SLC25A36: variants seen among roughly 807,000 people sequenced by gnomAD.
The protein encoded by SLC25A36 is solute carrier family 25 member 36.
SLC25A36 carries 24 observed loss-of-function variants against 35.3 expected under a neutral mutation model. The observed-to-expected ratio is 0.68, with a 90% CI of 0.49 to 0.96. SLC25A36 has a LOEUF of 0.96. Ranked by LOEUF, SLC25A36 falls within the 40% of genes least tolerant of loss-of-function variation. The probability of loss-of-function intolerance (pLI) is 0.00; values close to 1 mark genes in which losing one functional copy is unlikely to be tolerated. For missense variants in SLC25A36, 294 were observed against 381.1 expected, an observed-to-expected ratio of 0.77 and a Z score of 1.90; for synonymous variants, 141 against 132.2, an observed-to-expected ratio of 1.07 and a Z score of -0.46.
At chr3:140,971,958 C>T (rs1301262331) in intron 5 of SLC25A36, among the ~76,000 whole-genome samples, 2 of 152,036 alleles carry the variant, frequency 1.3e-5, no homozygotes, top group Non-Finnish European at 2.9e-5. Context: ...ATCTGTTTTC[C>T]ATCTTCTGTT....
chr3:140,973,550 A>G (rs777972976), intron 5 of SLC25A36, 166 bp from the exon 6 acceptor site: 3 of 538,004 alleles, frequency 5.6e-6, no homozygotes, highest in Non-Finnish European at 8.7e-6. Flanking sequence ...TAATATGACA[A>G]ATTTGGGACA....
rs557097452 is a variant in SLC25A36, at chr3:140,977,889, G to C, written c.*1436G>C. ...GAAAGCACTTTGTGGCCTTTTTTGG[G>C]GGGGAGGGTGAGAGAGTAGGAGAGA... is the stretch of plus-strand genomic sequence containing the variant. On this transcript the variant is annotated 3_prime_UTR_variant, in exon 7 of 7. Coordinates refer to ENST00000324194, the MANE Select transcript of SLC25A36 (RefSeq NM_001104647.3). The C allele has an allele frequency of 4.6e-5, 7 of 151,676 alleles. No individual in the cohort carries two copies. Among genetic ancestry groups the C allele is most frequent in the Non-Finnish European group, 8.8e-5 (6 of 67,882 alleles). 9.4% of individuals were successfully genotyped at this position (151,676 alleles called of 1,614,324 possible).
Position 140,970,935 on chromosome 3 carries a change from G to A in SLC25A36, c.394G>A (p.Ala132Thr), listed in dbSNP as rs1204460978. ...TAAACATGTTTGTTTAGGTTTTACTGCAATCACAGCAACCAACCCCATTTG... is the reference window on the plus strand; with the variant it reads ...TAAACATGTTTGTTTAGGTTTTACTACAATCACAGCAACCAACCCCATTTG... ...MISAAMAGFTAITATNPIWLI... is the reference protein window; with the variant it reads ...MISAAMAGFTTITATNPIWLI... Residue 132 changes from alanine (A) to threonine (T), a missense_variant, in exon 5 of 7, where the codon GCA becomes ACA. Ala to Thr is a moderately conservative substitution (Grantham distance 58, BLOSUM62 0). This residue lies in a region of SLC25A36 where 185 missense variants were observed against 201.5 expected (regional missense o/e 0.92). Transcript: ENST00000324194. 2.7e-6 allele frequency: 4 copies of A among 1,473,922 alleles called. No individual in the cohort carries two copies. Among genetic ancestry groups the A allele is most frequent in the Non-Finnish European group, 3.8e-6 (4 of 1,053,828 alleles). 91.3% of individuals were successfully genotyped at this position (1,473,922 alleles called of 1,614,324 possible).
At chr3:140,971,447 G>A (rs1395009346) in intron 5 of SLC25A36, among the ~76,000 whole-genome samples, 1 of 152,106 alleles carries the variant, frequency 6.6e-6, no homozygotes, top group Non-Finnish European at 1.5e-5. Flanking sequence ...CTCATATATC[G>A]TCTGTTACCA....
chr3:140,961,582 A>G (rs368208445), intron 3 of SLC25A36, among the ~76,000 whole-genome samples: 4 of 152,234 alleles, frequency 2.6e-5, no homozygotes, highest in African/African-American at 9.6e-5. Context: ...TTGACCGGGC[A>G]GAGTGGCTCA....
At chr3:140,969,157 C>T (rs371144127) in intron 4 of SLC25A36, among the ~76,000 whole-genome samples, 2 of 151,718 alleles carry the variant, frequency 1.3e-5, no homozygotes, top group South Asian at 2.1e-4. Flanking sequence ...CTAGCCTTTT[C>T]ATGTAGAAAA....
In SLC25A36 at chr3:140,977,633, G is replaced by A. The variant is rs3755764; in HGVS notation, c.*1180G>A. Reference sequence around the variant, plus strand: ...TTCATTTGGGTTAAATGTGCTAATAGGATGTAGCTTTTAAATTCTGCTATT... The same window carrying A: ...TTCATTTGGGTTAAATGTGCTAATAAGATGTAGCTTTTAAATTCTGCTATT... On this transcript the variant is annotated 3_prime_UTR_variant, in exon 7 of 7. Transcript: ENST00000324194. 1.3e-5 allele frequency: 2 copies of A among 152,086 alleles called. No individual in the cohort carries two copies. The highest frequency in any genetic ancestry group is 2.4e-5 in the African/African-American group (1 of 41,400). 9.4% of individuals were successfully genotyped at this position (152,086 alleles called of 1,614,324 possible).
rs1250085467 is a variant in SLC25A36, at chr3:140,941,887, G to T, written c.-168G>T. 1.6e-5 allele frequency: 8 copies of T among 512,282 alleles called. No homozygotes were observed. The highest frequency in any genetic ancestry group is 2.8e-5 in the Non-Finnish European group (8 of 286,768). 31.7% of individuals were successfully genotyped at this position (512,282 alleles called of 1,614,324 possible). On this transcript the variant is annotated 5_prime_UTR_variant, in exon 1 of 7. Transcript: ENST00000324194. ...AGGCAGGCGGTGGCGCGGCTGGAGT[G>T]CCGCGGGGAGGGCTGTGCCGGTTGC...
intron 1 of SLC25A36, among the ~76,000 whole-genome samples, chr3:140,952,611 T>A (rs1342586649): frequency 1.3e-5 from 2 of 152,240 alleles, no homozygotes; most frequent in African/African-American, 4.8e-5. Context: ...TAATATTTAT[T>A]GAGCACTTTT....
chr3:140,953,693 A>G (rs1248891811), intron 1 of SLC25A36, among the ~76,000 whole-genome samples: 1 of 152,198 alleles, frequency 6.6e-6, no homozygotes, highest in African/African-American at 2.4e-5. Flanking sequence ...CTAGTGGTTC[A>G]TGCTTATAAT....
At position 140,941,889 on chromosome 3, in the gene SLC25A36, C is replaced by G. The variant is rs1307901629; in HGVS notation, c.-166C>G. 1 of 513,718 alleles carries G rather than the reference C, an allele frequency of 1.9e-6. No homozygotes were observed. The highest frequency in any genetic ancestry group is 3.5e-6 in the Non-Finnish European group (1 of 287,870). 31.8% of individuals were successfully genotyped at this position (513,718 alleles called of 1,614,324 possible). A position where few individuals can be genotyped will look rare whatever the true frequency, so the allele number is the denominator to read the frequency against. On this transcript the variant is annotated 5_prime_UTR_variant, in exon 1 of 7. Coordinates refer to ENST00000324194, the MANE Select transcript of SLC25A36 (RefSeq NM_001104647.3). ...GCAGGCGGTGGCGCGGCTGGAGTGC[C>G]GCGGGGAGGGCTGTGCCGGTTGCTT...
intron 4 of SLC25A36, chr3:140,967,054 C>T: frequency 2.2e-6 from 1 of 456,166 alleles, no homozygotes; most frequent in South Asian, 1.5e-5. Flanking sequence ...CTGATCTGAG[C>T]ATCTCTTGCA....
Position 140,973,899 on chromosome 3 carries a change from A to C in SLC25A36, c.636A>C (p.Thr212=). Reference sequence around the variant, plus strand: ...TACTGGAATATAAGACTGCTTCTACAATGGAAAATGATGAAGAGTCTGTGA... The same window carrying C: ...TACTGGAATATAAGACTGCTTCTACCATGGAAAATGATGAAGAGTCTGTGA... The part of the protein sequence containing the change: ...QKLLEYKTAS[T]MENDEESVKE... Residue 212 remains threonine, a synonymous_variant, in exon 6 of 7, where the codon ACA becomes ACC. Coordinates refer to ENST00000324194, the MANE Select transcript of SLC25A36 (RefSeq NM_001104647.3). 6.2e-7 allele frequency: 1 copy of C among 1,613,272 alleles called. No individual in the cohort carries two copies. Among genetic ancestry groups the C allele is most frequent in the South Asian group, 1.1e-5 (1 of 91,028 alleles).
chr3:140,980,418 C>T lies in SLC25A36; in HGVS notation c.*3965C>T, dbSNP rs1295845107. 2.8e-3 allele frequency among the ~76,000 whole-genome samples: 8 copies of T among 2,812 alleles called. No homozygotes were observed. The highest frequency in any genetic ancestry group is 3.8e-3 in the African/African-American group (8 of 2,108). The allele number at this position is 2,812 out of a possible 152,430, so 1.8% of individuals were successfully genotyped here. On this transcript the variant is annotated 3_prime_UTR_variant, in exon 7 of 7. Coordinates refer to ENST00000324194, the MANE Select transcript of SLC25A36 (RefSeq NM_001104647.3). The stretch of plus-strand genomic sequence containing the variant: ...TAGTTAACATCAAACATTGTCCAGT[C>T]TTGAGGAAACCAGGACGAAATATAT...
intron 4 of SLC25A36, 80 bp downstream of exon 4, chr3:140,963,307 A>C: frequency 1.1e-6 from 1 of 874,654 alleles, no homozygotes; most frequent in Non-Finnish European, 1.7e-6. Flanking sequence ...TTTGTAGTGA[A>C]AAGTTGATGA....
intron 4 of SLC25A36, chr3:140,964,150 T>TA (rs899726623): frequency 6.6e-6 from 1 of 151,992 alleles, no homozygotes; most frequent in Non-Finnish European, 1.5e-5. Context: ...CTTAAACTGT[T>TA]AAACACTTTT....
chr3:140,962,218 T>C (rs1180517615), intron 3 of SLC25A36, among the ~76,000 whole-genome samples: 1 of 152,194 alleles, frequency 6.6e-6, no homozygotes, highest in Non-Finnish European at 1.5e-5. Context: ...TTTTCAGTTA[T>C]ATTAATTTTC....
At chr3:140,953,802 T>A (rs1167391655) in intron 1 of SLC25A36, among the ~76,000 whole-genome samples, 1 of 151,942 alleles carries the variant, frequency 6.6e-6, no homozygotes, top group Non-Finnish European at 1.5e-5. Flanking sequence ...ACAAAAAAAT[T>A]TTAAAAAATT....
intron 2 of SLC25A36, chr3:140,956,922 A>G (rs969517585): frequency 3.1e-6 from 2 of 646,270 alleles, no homozygotes; most frequent in Non-Finnish European, 4.2e-6. Flanking sequence ...GAATATTTCT[A>G]CATTTATCCA....
Sources: gnomAD v4.1 joint callset for allele counts (sites outside exome capture counted in the v4.1 genomes callset) on GRCh38, gnomAD v4.1.1 for gene constraint, gnomAD v4.1.1 regional missense constraint, MANE v1.5 for transcripts, NCBI Gene and HGNC (gene_info 2026-07-23, HGNC 2026-07-21) for gene names.